RAB31: variants seen among roughly 807,000 people sequenced by gnomAD.
The protein encoded by RAB31 is ras-related protein Rab-31.
RAB31 carries 21 observed loss-of-function variants against 25.6 expected under a neutral mutation model. The ratio of observed to expected loss-of-function variants is 0.82; its 90% confidence interval spans 0.58 to 1.18. The LOEUF (loss-of-function observed/expected upper bound fraction) is 1.18, where lower values mean the gene tolerates loss of function less well. RAB31 is among the 50% of genes most tolerant of loss of function. The probability of loss-of-function intolerance (pLI) is 0.00; values close to 1 mark genes in which losing one functional copy is unlikely to be tolerated. For missense variants in RAB31, 196 were observed against 250.1 expected (o/e 0.78, Z 1.46); for synonymous variants, 87 against 84.0 (o/e 1.04, Z -0.20).
At chr18:9,811,131 G>GCGTT (rs984240782) in intron 3 of RAB31, among the ~76,000 whole-genome samples, 2 of 152,204 alleles carry the variant, frequency 1.3e-5, no homozygotes, top group Admixed American at 6.5e-5. Context: ...GTCCCCAAGT[G>GCGTT]CGTTCTGGAA....
At chr18:9,840,268 C>G (rs1015012795) in intron 5 of RAB31, among the ~76,000 whole-genome samples, 9 of 152,220 alleles carry the variant, frequency 5.9e-5, no homozygotes, top group African/African-American at 2.2e-4. Flanking sequence ...TCTTTACCGT[C>G]AAAACTAACT....
At chr18:9,746,026 G>C (rs976430840) in intron 1 of RAB31, among the ~76,000 whole-genome samples, 1 of 152,118 alleles carries the variant, frequency 6.6e-6, no homozygotes, top group Non-Finnish European at 1.5e-5. Flanking sequence ...AAATTTCAAA[G>C]AATTCACAAA....
At chr18:9,710,457 C>CCTT (rs763349835) in intron 1 of RAB31, among the ~76,000 whole-genome samples, 3 of 152,170 alleles carry the variant, frequency 2.0e-5, no homozygotes, top group Non-Finnish European at 4.4e-5. Flanking sequence ...GCAGACAGTG[C>CCTT]CTTACCTTTG....
intron 1 of RAB31, among the ~76,000 whole-genome samples, chr18:9,727,924 TG>T (rs1485637621): frequency 6.6e-6 from 1 of 151,896 alleles, no homozygotes; most frequent in Non-Finnish European, 1.5e-5. Flanking sequence ...ATCTTTTTTG[TG>T]GTAAGAATAC....
chr18:9,779,177 A>G (rs528726656), intron 2 of RAB31, among the ~76,000 whole-genome samples: 5 of 152,302 alleles, frequency 3.3e-5, no homozygotes, highest in Admixed American at 1.3e-4. Context: ...CTTTCTTCTC[A>G]GTTTTTCCTG....
chr18:9,731,006 C>T (rs2068120220), intron 1 of RAB31, among the ~76,000 whole-genome samples: 1 of 152,230 alleles, frequency 6.6e-6, no homozygotes, highest in African/African-American at 2.4e-5. Context: ...AGCCTCACTA[C>T]ATGCTAAGTC....
Position 9,845,623 on chromosome 18 carries a change from T to C in RAB31, c.422T>C (p.Ile141Thr), listed in dbSNP as rs1253752910. The change falls in exon 6 of 7, where the codon ATA (isoleucine) becomes ACA (threonine). Residue 141 changes from isoleucine to threonine, a missense_variant. Coordinates refer to ENST00000578921, the MANE Select transcript of RAB31 (RefSeq NM_006868.4). ...GATGCTAAGGAATACGCTGAATCCA[T>C]AGGTGCCATCGTGGTTGAGACAAGT... ...LKDAKEYAES[I>T]GAIVVETSAK... The C allele has an allele frequency of 3.2e-6, 5 of 1,569,498 alleles. No homozygotes were observed. Among genetic ancestry groups the C allele is most frequent in the Non-Finnish European group, 4.3e-6 (5 of 1,156,722 alleles).
At position 9,834,360 on chromosome 18, in the gene RAB31, C is replaced by T. The variant is rs868117795; in HGVS notation, c.381-11222C>T. Among the ~76,000 whole-genome samples the T allele has an allele frequency of 6.6e-4, 101 of 152,286 alleles. 1 individual carries two copies. The highest frequency in any genetic ancestry group is 3.4e-3 in the Middle Eastern group (1 of 294). On this transcript the variant is annotated intron_variant, in intron 5 of 6. Transcript: ENST00000578921. ...TGAACTCCTGACCTCAGGTGATCCA[C>T]CCTCCTCGGCCTCCCAAAGTGCTGG...
chr18:9,740,435 T>C (rs1175731806), intron 1 of RAB31, among the ~76,000 whole-genome samples: 2 of 152,192 alleles, frequency 1.3e-5, no homozygotes, highest in African/African-American at 2.4e-5. Flanking sequence ...TTATTTTGGC[T>C]GGACGTGGTG....
intron 1 of RAB31, among the ~76,000 whole-genome samples, chr18:9,750,518 T>C (rs527348020): frequency 9.2e-5 from 14 of 152,254 alleles, no homozygotes; most frequent in African/African-American, 3.1e-4. Context: ...GTGCCGGCAG[T>C]TGCATGCAAA....
chr18:9,782,142 T>C (rs2068408238), intron 2 of RAB31, among the ~76,000 whole-genome samples: 1 of 152,232 alleles, frequency 6.6e-6, no homozygotes, highest in South Asian at 2.1e-4. Flanking sequence ...ATTGTTACTA[T>C]TATGTTCATC....
At chr18:9,793,032 A>G (rs2068469177) in intron 3 of RAB31, among the ~76,000 whole-genome samples, 1 of 152,242 alleles carries the variant, frequency 6.6e-6, no homozygotes, top group Non-Finnish European at 1.5e-5. Flanking sequence ...GAAATGACGA[A>G]TACTAGCACA....
Position 9,861,490 on chromosome 18 carries a change from G to A in RAB31, c.*2165G>A, listed in dbSNP as rs1225820643. On this transcript the variant is annotated 3_prime_UTR_variant, in exon 7 of 7. Coordinates refer to ENST00000578921, the MANE Select transcript of RAB31 (RefSeq NM_006868.4). ...ATCAGCACTCAGAGTAGTCAGTGAA[G>A]AGAGTAGATCACACTTGGGCACACC... 1 of 152,134 alleles carries A rather than the reference G, an allele frequency of 6.6e-6. No individual in the cohort carries two copies. Among genetic ancestry groups the A allele is most frequent in the African/African-American group, 2.4e-5 (1 of 41,414 alleles). The allele number at this position is 152,134 out of a possible 1,614,324, so 9.4% of individuals were successfully genotyped here.
chr18:9,829,635 C>T lies in RAB31; in HGVS notation c.380+14413C>T, dbSNP rs116337884. 5.1e-3 allele frequency among the ~76,000 whole-genome samples: 780 copies of T among 152,340 alleles called. 8 individuals are homozygous for T. Among genetic ancestry groups the T allele is most frequent in the African/African-American group, 0.018 (740 of 41,564 alleles). Reference sequence around the variant, plus strand: ...GTAATGCCAACGTCTTTCACGGTGGCATGGAATATGCCAATCGTGTGTGAG... The same window carrying T: ...GTAATGCCAACGTCTTTCACGGTGGTATGGAATATGCCAATCGTGTGTGAG... On this transcript the variant is annotated intron_variant, in intron 5 of 6. Coordinates refer to ENST00000578921, the MANE Select transcript of RAB31 (RefSeq NM_006868.4).
chr18:9,764,029 A>G (rs1046463486), intron 1 of RAB31, among the ~76,000 whole-genome samples: 7 of 152,166 alleles, frequency 4.6e-5, no homozygotes, highest in Middle Eastern at 3.2e-3. Context: ...GTGGGTGTCC[A>G]CTGTAGAGTG....
At chr18:9,762,214 C>T (rs1369454612) in intron 1 of RAB31, among the ~76,000 whole-genome samples, 1 of 152,194 alleles carries the variant, frequency 6.6e-6, no homozygotes, top group Admixed American at 6.5e-5. Context: ...GGAGTGAATA[C>T]TGGGAGGCGG....
chr18:9,842,366 C>T (rs1364769321), intron 5 of RAB31, among the ~76,000 whole-genome samples: 1 of 152,156 alleles, frequency 6.6e-6, no homozygotes, highest in Non-Finnish European at 1.5e-5. Context: ...GGGCCACACG[C>T]TATCAAACTC....
At chr18:9,777,915 C>T (rs1568176654) in intron 2 of RAB31, among the ~76,000 whole-genome samples, 1 of 151,900 alleles carries the variant, frequency 6.6e-6, no homozygotes, top group Non-Finnish European at 1.5e-5. Flanking sequence ...CCACCATGCC[C>T]AGCTAATTTT....
chr18:9,751,233 G>T (rs1313293274), intron 1 of RAB31, among the ~76,000 whole-genome samples: 3 of 151,994 alleles, frequency 2.0e-5, no homozygotes, highest in African/African-American at 7.3e-5. Flanking sequence ...TAGTGATGAG[G>T]TCTTGCTATG....
Sources: gnomAD v4.1 joint callset for allele counts (sites outside exome capture counted in the v4.1 genomes callset) on GRCh38, gnomAD v4.1.1 for gene constraint, MANE v1.5 for transcripts, NCBI Gene and HGNC (gene_info 2026-07-23, HGNC 2026-07-21) for gene names.